The following GPM6A variants were observed in gnomAD, a reference collection of about 807,000 sequenced individuals.
GPM6A encodes the protein glycoprotein M6A.
A neutral mutation model predicts 32.1 loss-of-function variants in GPM6A; 7 were observed. The observed-to-expected ratio is 0.22, with a 90% confidence interval of 0.12 to 0.41. The LOEUF (loss-of-function observed/expected upper bound fraction) is 0.41. GPM6A is among the 10% of genes least tolerant of loss of function. The probability of loss-of-function intolerance (pLI) is 1.00; values close to 1 mark genes in which losing one functional copy is unlikely to be tolerated. For missense variants in GPM6A, 235 were observed against 347.2 expected (o/e 0.68, Z 2.57); for synonymous variants, 130 against 123.4 (o/e 1.05, Z -0.35).
rs1421235237 is a variant in GPM6A at position 175,634,924 on chromosome 4, C to T, written c.818G>A (p.Arg273Gln). ...HDIHSTRSKE[R>Q]LNAYT ...ATGCATTTATGTGTATGCATTGAGC[C>T]GCTCTTTGGAGCGAGTAGAGTGGAT... The change falls in exon 7 of 7, where the codon CGG (arginine) becomes CAG (glutamine). Residue 273 changes from arginine to glutamine, a missense_variant. By Grantham distance (43) the Arg-to-Gln change is conservative. Transcript: ENST00000393658. 4 of 1,613,688 alleles carry T rather than the reference C, an allele frequency of 2.5e-6. No homozygotes were observed. Among genetic ancestry groups the T allele is most frequent in the Non-Finnish European group, 1.7e-6 (2 of 1,179,726 alleles).
At chr4:175,892,606 C>A (rs1737681993) in intron 1 of GPM6A, among the ~76,000 whole-genome samples, 1 of 152,178 alleles carries the variant, frequency 6.6e-6, no homozygotes, top group African/African-American at 2.4e-5. Flanking sequence ...TCCACTACGG[C>A]TCTTTCATTT....
At chr4:175,748,325 G>C (rs1732188539) in intron 1 of GPM6A, among the ~76,000 whole-genome samples, 1 of 152,006 alleles carries the variant, frequency 6.6e-6, no homozygotes, top group Admixed American at 6.6e-5. Flanking sequence ...CTCTACCTAC[G>C]GCAACTAGTC....
chr4:175,741,252 T>C (rs1055291385), intron 1 of GPM6A, among the ~76,000 whole-genome samples: 1 of 152,018 alleles, frequency 6.6e-6, no homozygotes, highest in Non-Finnish European at 1.5e-5. Flanking sequence ...ATCTTTCCCA[T>C]CCCTAGTTAC....
At chr4:175,932,038 T>C (rs1272616376) in intron 1 of GPM6A, among the ~76,000 whole-genome samples, 1 of 147,558 alleles carries the variant, frequency 6.8e-6, no homozygotes, top group Non-Finnish European at 1.5e-5. Flanking sequence ...AAGGCTTCAG[T>C]GAGCTATGAT....
At chr4:175,820,917 T>C (rs1735260003) in intron 1 of GPM6A, among the ~76,000 whole-genome samples, 1 of 152,238 alleles carries the variant, frequency 6.6e-6, no homozygotes, top group African/African-American at 2.4e-5. Flanking sequence ...ATATTGTTTC[T>C]AATTTCTAAA....
At chr4:175,872,917 A>C (rs1168727939) in intron 1 of GPM6A, among the ~76,000 whole-genome samples, 1 of 152,208 alleles carries the variant, frequency 6.6e-6, no homozygotes, top group African/African-American at 2.4e-5. Flanking sequence ...CTGGGTTTAC[A>C]GATAAATACT....
intron 1 of GPM6A, among the ~76,000 whole-genome samples, chr4:175,766,854 C>G (rs1176487238): frequency 6.6e-6 from 1 of 151,960 alleles, no homozygotes; most frequent in Non-Finnish European, 1.5e-5. Context: ...AGGGTTTCAC[C>G]ATGTTGGCCA....
chr4:175,812,820 CA>C, upstream of GPM6A: 3 of 985,066 alleles, frequency 3.0e-6, no homozygotes, highest in Non-Finnish European at 3.6e-6. Flanking sequence ...AGATACGTTG[CA>C]AAAAAACTGT....
At chr4:175,853,504 C>CTTTT (rs70962425) in intron 1 of GPM6A, among the ~76,000 whole-genome samples, 5 of 137,658 alleles carry the variant, frequency 3.6e-5, no homozygotes, top group African/African-American at 8.0e-5. Context: ...CAAACAAGTT[C>CTTTT]TTTTTTTTTT....
chr4:175,938,737 C>CAAAAAAAAAA (rs3034711), intron 1 of GPM6A, among the ~76,000 whole-genome samples: 1 of 134,094 alleles, frequency 7.5e-6, no homozygotes. Flanking sequence ...AAAGTAAAAC[C>CAAAAAAAAAA]AAAAAAAAAA....
At chr4:175,987,524 T>TTGTGTGTGTGTGTG (rs141045074) in intron 1 of GPM6A, among the ~76,000 whole-genome samples, 13 of 148,686 alleles carry the variant, frequency 8.7e-5, no homozygotes, top group African/African-American at 3.0e-4. Context: ...TAAAGTGTGT[T>TTGTGTGTGTGTGTG]TGTGTGTGTG....
chr4:175,670,044 C>A (rs1162798671), intron 3 of GPM6A, among the ~76,000 whole-genome samples: 1 of 151,980 alleles, frequency 6.6e-6, no homozygotes, highest in Non-Finnish European at 1.5e-5. Flanking sequence ...TGGTCTCAAA[C>A]TTCTAGCTTC....
At chr4:175,671,418 T>C (rs1315739942) in intron 3 of GPM6A, among the ~76,000 whole-genome samples, 1 of 124,444 alleles carries the variant, frequency 8.0e-6, no homozygotes, top group Non-Finnish European at 1.6e-5. Flanking sequence ...GCAAAAGAGG[T>C]TAACAGGTTC....
intron 2 of GPM6A, among the ~76,000 whole-genome samples, chr4:175,696,340 C>T (rs1410521789): frequency 6.6e-6 from 1 of 152,158 alleles, no homozygotes; most frequent in Non-Finnish European, 1.5e-5. Context: ...ATGGAACAAG[C>T]TCAGGGGAGT....
upstream of GPM6A, among the ~76,000 whole-genome samples, chr4:175,816,472 C>T (rs547054490): frequency 8.2e-4 from 125 of 152,218 alleles, no homozygotes; most frequent in Non-Finnish European, 3.4e-4. Context: ...TTATGTAATG[C>T]AGTCATCTTT....
chr4:175,712,740 C>T (rs982153885), intron 1 of GPM6A, among the ~76,000 whole-genome samples: 9 of 152,136 alleles, frequency 5.9e-5, no homozygotes, highest in East Asian at 1.9e-4. Context: ...AGCATGGGCA[C>T]GGAATCACTA....
intron 1 of GPM6A, among the ~76,000 whole-genome samples, chr4:175,895,174 G>C (rs1240861137): frequency 6.6e-6 from 1 of 152,096 alleles, no homozygotes; most frequent in Non-Finnish European, 1.5e-5. Context: ...CAGTATGCCA[G>C]TGAATGACTT....
chr4:175,961,555 A>C (rs2126402781), intron 1 of GPM6A, among the ~76,000 whole-genome samples: 1 of 152,252 alleles, frequency 6.6e-6, no homozygotes, highest in East Asian at 1.9e-4. Context: ...CTGGAGACTC[A>C]GTTTGGACAA....
At chr4:175,782,824 C>T (rs374954505) in intron 1 of GPM6A, among the ~76,000 whole-genome samples, 30 of 151,876 alleles carry the variant, frequency 2.0e-4, no homozygotes, top group South Asian at 1.7e-3. Context: ...CTTTAATACA[C>T]GATGTTACCG....
Sources: allele counts gnomAD v4.1 joint callset (sites outside exome capture counted in the v4.1 genomes callset), GRCh38; gene constraint gnomAD v4.1.1; transcripts MANE v1.5; gene names NCBI Gene and HGNC (gene_info 2026-07-23, HGNC 2026-07-21).